Variants in GLB1 observed in about 807,000 individuals in gnomAD.
GLB1 encodes the protein galactosidase beta 1, also known as beta-galactosidase.
GLB1 carries 56 observed loss-of-function variants against 74.0 expected under a neutral mutation model. The ratio of observed to expected loss-of-function variants is 0.76; its 90% confidence interval spans 0.61 to 0.94. The LOEUF (loss-of-function observed/expected upper bound fraction) is 0.94. Ranked by LOEUF, GLB1 falls within the 40% of genes least tolerant of loss-of-function variation. The pLI is 0.00. For synonymous variants in GLB1, 323 were observed against 323.6 expected (o/e 1.00, Z 0.02); for missense variants, 787 against 845.5 (o/e 0.93, Z 0.86).
intron 15 of GLB1, among the ~76,000 whole-genome samples, chr3:33,002,384 A>G (rs912340868): frequency 1.0e-5 from 1 of 100,264 alleles, no homozygotes; most frequent in Non-Finnish European, 1.9e-5. Flanking sequence ...TTCCTTCCTT[A>G]TGAGGCAGGG....
intron 12 of GLB1, 190 bp downstream of exon 12, chr3:33,021,376 A>T (rs1700731985): frequency 9.2e-6 from 6 of 650,474 alleles, no homozygotes; most frequent in East Asian, 8.3e-5. Flanking sequence ...CAAAAAATAT[A>T]GGCATGATCA....
chr3:32,987,429 C>T, the GLB1 span, among the ~76,000 whole-genome samples: 2 of 152,182 alleles, frequency 1.3e-5, no homozygotes, highest in African/African-American at 4.8e-5. Context: ...TGCACCCTTC[C>T]CTCACTTCCT....
chr3:33,044,308 A>G (rs982419743), intron 10 of GLB1, among the ~76,000 whole-genome samples: 1 of 152,204 alleles, frequency 6.6e-6, no homozygotes, highest in Non-Finnish European at 1.5e-5. Flanking sequence ...TAAAAAACAC[A>G]TATCAATGGT....
In GLB1 at chr3:33,077,005, C is replaced by T. The variant is rs558769503; in HGVS notation, c.76-4292G>A. 7.5e-4 allele frequency: 908 copies of T among 1,207,412 alleles called. 12 individuals carry two copies. In the South Asian group the frequency reaches 0.013, roughly 17 times the overall value. The allele number at this position is 1,207,412 out of a possible 1,614,324, so 74.8% of individuals were successfully genotyped here. ...TTGGGAGGCCAAGGCAGGAGAATTG[C>T]TAGAGCCCAGGAGTTCAAGACCAGT... On this transcript the variant is annotated intron_variant, in intron 1 of 15. Transcript: ENST00000307363.
chr3:32,975,678 T>C, the GLB1 span, among the ~76,000 whole-genome samples: 106 of 152,318 alleles, frequency 7.0e-4, no homozygotes, highest in African/African-American at 2.5e-3. Flanking sequence ...AAAATGAGTG[T>C]GCACACCACA....
chr3:33,059,785 T>C (rs1418465183), intron 5 of GLB1, among the ~76,000 whole-genome samples: 1 of 152,246 alleles, frequency 6.6e-6, no homozygotes, highest in Non-Finnish European at 1.5e-5. Context: ...TTTACGTATG[T>C]ATGCTATATT....
At chr3:33,057,732 A>G (rs1201166564) in intron 6 of GLB1, among the ~76,000 whole-genome samples, 2 of 152,188 alleles carry the variant, frequency 1.3e-5, no homozygotes, top group Admixed American at 1.3e-4. Flanking sequence ...AGAGCAGAGA[A>G]GCGCGCCCCA....
chr3:33,083,520 T>TG (rs1198296262), intron 1 of GLB1, among the ~76,000 whole-genome samples: 1 of 152,098 alleles, frequency 6.6e-6, no homozygotes, highest in East Asian at 1.9e-4. Flanking sequence ...ATTTGACCTG[T>TG]GTGCAAATTC....
chr3:33,035,436 A>G (rs1170614062), intron 10 of GLB1, among the ~76,000 whole-genome samples: 1 of 152,096 alleles, frequency 6.6e-6, no homozygotes, highest in Non-Finnish European at 1.5e-5. Context: ...TGTCTCAAAA[A>G]AAAAAGGTGA....
intron 4 of GLB1, among the ~76,000 whole-genome samples, chr3:33,066,081 T>C (rs916646909): frequency 6.6e-6 from 1 of 152,158 alleles, no homozygotes; most frequent in Non-Finnish European, 1.5e-5. Flanking sequence ...AAGTACCTTC[T>C]GAAGTAAAAG....
rs982818645 is a variant in GLB1, at chr3:33,034,557, G to A, written c.1069-10232C>T. The A allele has an allele frequency of 2.5e-5, 18 of 722,926 alleles. No individual in the cohort carries two copies. The Admixed American group carries it at 2.6e-4, about 10-fold the overall frequency. The allele number at this position is 722,926 out of a possible 1,614,324, so 44.8% of individuals were successfully genotyped here. On this transcript the variant is annotated intron_variant, in intron 10 of 15. Transcript: ENST00000307363. ...ATTGCCAGCTGCTCCTGGGATGGTC[G>A]TGTGTTCATCTGGACCTGTGATGAT...
chr3:33,011,703 A>T (rs149719406), intron 15 of GLB1, among the ~76,000 whole-genome samples: 1 of 151,992 alleles, frequency 6.6e-6, no homozygotes, highest in South Asian at 2.1e-4. Context: ...AATAAATTTT[A>T]AACAAGCAAC....
chr3:33,002,920 A>G (rs766418649), intron 15 of GLB1, among the ~76,000 whole-genome samples: 12 of 152,174 alleles, frequency 7.9e-5, no homozygotes, highest in Admixed American at 3.3e-4. Context: ...TGTGATGCTT[A>G]CCTGGGAGAA....
intron 1 of GLB1, chr3:33,091,465 A>G: frequency 1.0e-6 from 1 of 985,532 alleles, no homozygotes; most frequent in Non-Finnish European, 1.2e-6. Flanking sequence ...CACATTCCCC[A>G]GGACTGGCTG....
At chr3:32,998,593 A>G (rs767258325) in intron 15 of GLB1, among the ~76,000 whole-genome samples, 1 of 152,176 alleles carries the variant, frequency 6.6e-6, no homozygotes, top group Non-Finnish European at 1.5e-5. Context: ...TTCTATTACA[A>G]AGAAAGAAAG....
At chr3:33,041,673 A>G (rs954616995) in intron 10 of GLB1, among the ~76,000 whole-genome samples, 20 of 151,996 alleles carry the variant, frequency 1.3e-4, no homozygotes, top group Admixed American at 3.9e-4. Context: ...AAAAAAAAAA[A>G]AAAGAAAGAA....
the GLB1 span, among the ~76,000 whole-genome samples, chr3:32,971,230 G>C: frequency 6.6e-6 from 1 of 152,192 alleles, no homozygotes; most frequent in Non-Finnish European, 1.5e-5. Flanking sequence ...CTTAAAGCCA[G>C]AGCTACCTTT....
rs778340733 is a variant in GLB1 at position 33,018,562 on chromosome 3, C to A, written c.1234-1G>T. On this transcript the variant is annotated splice_acceptor_variant, in intron 12 of 15. Transcript: ENST00000307363. LOFTEE classifies it high-confidence loss of function. ...TCCGGTACAGCACAAACCCATAATG[C>A]TGGTTAGAAAAGGATTTAAGAAAAA... The A allele has an allele frequency of 6.8e-6, 11 of 1,613,988 alleles. No individual in the cohort carries two copies. Among genetic ancestry groups the A allele is most frequent in the Non-Finnish European group, 9.3e-6 (11 of 1,179,998 alleles).
intron 10 of GLB1, chr3:33,030,252 A>C (rs1697949139): frequency 1.3e-5 from 2 of 153,434 alleles, no homozygotes; most frequent in African/African-American, 4.8e-5. Flanking sequence ...CAAGTCATGG[A>C]AGGTATCCTG....
Sources: gnomAD v4.1 joint callset for allele counts (sites outside exome capture counted in the v4.1 genomes callset) on GRCh38, gnomAD v4.1.1 for gene constraint, MANE v1.5 for transcripts, NCBI Gene and HGNC (gene_info 2026-07-23, HGNC 2026-07-21) for gene names.